The following ACSM2A variants were observed in gnomAD, a reference collection of about 807,000 sequenced individuals.
The protein encoded by ACSM2A is acyl-coenzyme A synthetase ACSM2A, mitochondrial.
In ACSM2A, 72 loss-of-function variants were observed where a neutral mutation model predicts 76.6. That is an observed-to-expected ratio of 0.94 (90% confidence interval 0.78 to 1.14). ACSM2A has a LOEUF of 1.14. ACSM2A is among the 50% of genes most tolerant of loss of function. The probability of loss-of-function intolerance (pLI) is 0.00; values close to 1 mark genes in which losing one functional copy is unlikely to be tolerated. For synonymous variants in ACSM2A, 249 were observed against 255.9 expected, an observed-to-expected ratio of 0.97 and a Z score of 0.26; for missense variants, 684 against 708.5, an observed-to-expected ratio of 0.97 and a Z score of 0.39.
intron 2 of ACSM2A, among the ~76,000 whole-genome samples, chr16:20,464,506 CA>C (rs376674915): frequency 2.6e-5 from 4 of 152,216 alleles, no homozygotes; most frequent in African/African-American, 9.6e-5. Flanking sequence ...CAATAAAGGG[CA>C]AGATGAGGAG....
intron 1 of ACSM2A, among the ~76,000 whole-genome samples, chr16:20,454,798 T>C (rs2141677692): frequency 6.6e-6 from 1 of 150,536 alleles, no homozygotes; most frequent in African/African-American, 2.5e-5. Context: ...CAGCAATGGA[T>C]CCAAACCAAG....
At chr16:20,466,171 T>G (rs1378963585) in intron 3 of ACSM2A, among the ~76,000 whole-genome samples, 2 of 151,856 alleles carry the variant, frequency 1.3e-5, no homozygotes, top group Non-Finnish European at 2.9e-5. Flanking sequence ...CAGTGGCAAC[T>G]TGAGTAGTTG....
chr16:20,465,652 C>T lies in ACSM2A; in HGVS notation c.313C>T (p.Arg105Cys), dbSNP rs13332099. 1,799 of 1,613,938 alleles carry T rather than the reference C, an allele frequency of 1.1e-3. 5 individuals are homozygous for T. The African/African-American group carries it at 0.021, about 19-fold the overall frequency. ...NVLSGACGLQRGDRVAVVLPR... is the reference protein window; with the variant it reads ...NVLSGACGLQCGDRVAVVLPR... ...CCTCTCGGGAGCCTGTGGCCTGCAG[C>T]GTGGGGATCGTGTGGCAGTGGTGCT... Residue 105 changes from arginine to cysteine, a missense_variant, in exon 3 of 14, where the codon CGT becomes TGT. Physicochemically the swap from Arg to Cys is radical, Grantham distance 180. Coordinates refer to ENST00000573854, the MANE Select transcript of ACSM2A (RefSeq NM_001308172.2).
In ACSM2A at chr16:20,470,978, C is replaced by G. The variant is rs1193245979; in HGVS notation, c.597-95C>G. 1.4e-5 allele frequency: 22 copies of G among 1,549,008 alleles called. 1 individual carries two copies. Among genetic ancestry groups the G allele is most frequent in the Non-Finnish European group, 1.9e-5 (22 of 1,134,356 alleles). On this transcript the variant is annotated intron_variant, in intron 4 of 13. Transcript: ENST00000573854. ...TGTGAGGTGGGTCCATCAACTTGCC[C>G]TTTTCAGCACAGTGGGTGGTGGGAA... is the stretch of plus-strand genomic sequence containing the variant.
In ACSM2A at chr16:20,480,913, C is replaced by T. The variant is rs376967417; in HGVS notation, c.1501C>T (p.Arg501Ter). 2.3e-5 allele frequency: 37 copies of T among 1,613,660 alleles called. No homozygotes were observed. The highest frequency in any genetic ancestry group is 2.7e-5 in the Non-Finnish European group (32 of 1,179,850). Residue 501 changes from arginine (R) to a stop codon, truncating the protein, a stop_gained, in exon 12 of 14, where the codon CGA becomes TGA. Transcript: ENST00000573854. LOFTEE classifies it high-confidence loss of function. The stretch of plus-strand genomic sequence containing the variant: ...TGTGATCAGCAGCCCAGACCCCGTC[C>T]GAGGAGAGGTGATGGGGAAGCAGTA... ...TAVISSPDPV[R>*]GEVVKAFVVL... is the part of the protein sequence containing the mutation.
intron 2 of ACSM2A, among the ~76,000 whole-genome samples, chr16:20,462,608 A>G (rs1008815860): frequency 6.6e-6 from 1 of 152,162 alleles, no homozygotes; most frequent in African/African-American, 2.4e-5. Context: ...ATTTTGCATC[A>G]TTACTCTCAA....
At position 20,460,309 on chromosome 16, in the gene ACSM2A, A is replaced by T; in HGVS notation, c.177+18A>T. Reference sequence around the variant, plus strand: ...TGGAGAAGGTAATGGGGTGGAAAAGAGGCACAGAGTGAGACAATTTTGTTG... The same window carrying T: ...TGGAGAAGGTAATGGGGTGGAAAAGTGGCACAGAGTGAGACAATTTTGTTG... On this transcript the variant is annotated intron_variant, in intron 2 of 13. Coordinates refer to ENST00000573854, the MANE Select transcript of ACSM2A (RefSeq NM_001308172.2). 1 of 1,613,476 alleles carries T rather than the reference A, an allele frequency of 6.2e-7. No homozygotes were observed. The highest frequency in any genetic ancestry group is 1.3e-5 in the African/African-American group (1 of 75,004).
intron 1 of ACSM2A, among the ~76,000 whole-genome samples, chr16:20,458,923 TATATATATAC>T (rs1481645952): frequency 0.091 from 7,022 of 77,134 alleles, 309 homozygotes; most frequent in East Asian, 0.44. Flanking sequence ...TATATATATA[TATATATATAC>T]ATATATATAT....
At chr16:20,478,058 TCATATC>T (rs2013852715) in intron 9 of ACSM2A, among the ~76,000 whole-genome samples, 1 of 152,228 alleles carries the variant, frequency 6.6e-6, no homozygotes, top group Non-Finnish European at 1.5e-5. Flanking sequence ...CTATTCAGTG[TCATATC>T]CAGTTACTTG....
At chr16:20,484,722 TG>T (rs1300792440) in intron 13 of ACSM2A, among the ~76,000 whole-genome samples, 1 of 149,980 alleles carries the variant, frequency 6.7e-6, no homozygotes, top group African/African-American at 2.5e-5. Context: ...AACCTTTCAG[TG>T]TTGTCCTAAG....
At chr16:20,477,538 T>G in intron 9 of ACSM2A, 89 bp downstream of exon 9, 9 of 1,476,266 alleles carry the variant, frequency 6.1e-6, no homozygotes, top group Non-Finnish European at 8.1e-6. Flanking sequence ...GAGTCAAAAA[T>G]AATAGAAAGT....
chr16:20,471,859 G>A (rs370122739), intron 6 of ACSM2A, among the ~76,000 whole-genome samples, 170 bp downstream of exon 6: 3 of 152,194 alleles, frequency 2.0e-5, no homozygotes, highest in African/African-American at 4.8e-5. Flanking sequence ...CAGAGCTCAT[G>A]TTCTGGGGTA....
intron 13 of ACSM2A, 152 bp from the exon 14 acceptor site, chr16:20,486,422 C>G: frequency 1.3e-6 from 1 of 761,576 alleles, no homozygotes; most frequent in East Asian, 2.5e-5. Context: ...GTCCTCATCC[C>G]AGAGCACTTT....
intron 10 of ACSM2A, among the ~76,000 whole-genome samples, 162 bp from the exon 11 acceptor site, chr16:20,480,411 T>C (rs2014016097): frequency 6.6e-6 from 1 of 152,228 alleles, no homozygotes; most frequent in South Asian, 2.1e-4. Context: ...CAGTTCTGCC[T>C]GTGGCCTAGG....
At chr16:20,481,173 T>C in intron 12 of ACSM2A, 1 of 499,470 alleles carries the variant, frequency 2.0e-6, no homozygotes, top group East Asian at 3.4e-5. Context: ...TGGTGATTTC[T>C]AAAAAAACTA....
chr16:20,477,247 G>T, intron 8 of ACSM2A, 122 bp from the exon 9 acceptor site: 2 of 1,414,426 alleles, frequency 1.4e-6, no homozygotes, highest in South Asian at 1.9e-5. Flanking sequence ...GGAGCAGGGG[G>T]AGCCACCAAG....
chr16:20,463,147 T>G (rs886374813), intron 2 of ACSM2A, among the ~76,000 whole-genome samples: 151 of 151,564 alleles, frequency 1.0e-3, no homozygotes, highest in South Asian at 6.5e-3. Flanking sequence ...CGAGTTAAGC[T>G]GTGCAGCACA....
intron 2 of ACSM2A, 94 bp from the exon 3 acceptor site, chr16:20,465,423 A>G (rs1000533926): frequency 5.3e-6 from 8 of 1,502,050 alleles, no homozygotes; most frequent in African/African-American, 1.4e-5. Context: ...AAAAAACCTT[A>G]CTAAGCACCA....
chr16:20,475,548 T>A, intron 7 of ACSM2A, 102 bp from the exon 8 acceptor site: 2 of 1,604,392 alleles, frequency 1.2e-6, no homozygotes, highest in Non-Finnish European at 1.7e-6. Context: ...GAGAGCCCCA[T>A]GAAGCCATTT....
Sources: allele counts gnomAD v4.1 joint callset (sites outside exome capture counted in the v4.1 genomes callset), GRCh38; gene constraint gnomAD v4.1.1; transcripts MANE v1.5; gene names NCBI Gene and HGNC (gene_info 2026-07-23, HGNC 2026-07-21).